PDE3A: variants seen among roughly 807,000 people sequenced by gnomAD.
PDE3A encodes the protein cGMP-inhibited 3',5'-cyclic phosphodiesterase 3A.
A neutral mutation model predicts 98.3 loss-of-function variants in PDE3A; 43 were observed. The observed-to-expected ratio is 0.44, with a 90% CI of 0.34 to 0.56. The LOEUF (loss-of-function observed/expected upper bound fraction) is 0.56, where lower values mean the gene tolerates loss of function less well. Among genes scored for constraint, PDE3A ranks in the 20% least tolerant of loss-of-function variants. The pLI is 0.01. For synonymous variants in PDE3A, 663 were observed against 567.9 expected, an observed-to-expected ratio of 1.17 and a Z score of -2.38; for missense variants, 1,427 against 1,440.7, an observed-to-expected ratio of 0.99 and a Z score of 0.15.
intron 1 of PDE3A, among the ~76,000 whole-genome samples, chr12:20,447,390 G>A (rs1944975888): frequency 6.6e-6 from 1 of 152,182 alleles, no homozygotes; most frequent in Non-Finnish European, 1.5e-5. Flanking sequence ...CTTCTGGATG[G>A]GGGCTGGTCA....
intron 15 of PDE3A, among the ~76,000 whole-genome samples, chr12:20,673,227 T>C (rs529767133): frequency 1.9e-4 from 29 of 152,040 alleles, no homozygotes; most frequent in Non-Finnish European, 4.0e-4. Flanking sequence ...TGTGGAGAAA[T>C]AGGAACACTT....
chr12:20,449,748 C>T, intron 1 of PDE3A: 1 of 470,308 alleles, frequency 2.1e-6, no homozygotes. Context: ...AGTGGATGCT[C>T]AGGCTGGGGG....
At chr12:20,644,818 C>T (rs1376277760) in intron 10 of PDE3A, among the ~76,000 whole-genome samples, 1 of 150,232 alleles carries the variant, frequency 6.7e-6, no homozygotes, top group East Asian at 1.9e-4. Context: ...TGAGCCTCCT[C>T]CTCCTCCTCC....
At chr12:20,630,425 A>G (rs1230603400) in intron 6 of PDE3A, among the ~76,000 whole-genome samples, 2 of 152,212 alleles carry the variant, frequency 1.3e-5, no homozygotes, top group African/African-American at 4.8e-5. Flanking sequence ...ATATATAACT[A>G]AAAAATGATA....
intron 1 of PDE3A, among the ~76,000 whole-genome samples, chr12:20,499,506 G>A (rs1945982792): frequency 6.6e-6 from 1 of 151,966 alleles, no homozygotes; most frequent in Non-Finnish European, 1.5e-5. Flanking sequence ...TATATTTAAG[G>A]GTCAACTGTT....
At chr12:20,575,857 T>C (rs1942917412) in intron 2 of PDE3A, among the ~76,000 whole-genome samples, 1 of 151,844 alleles carries the variant, frequency 6.6e-6, no homozygotes, top group African/African-American at 2.4e-5. Flanking sequence ...ATGCACCTGA[T>C]TGAAATAAGG....
At chr12:20,571,745 C>A in intron 2 of PDE3A, 1 of 173,448 alleles carries the variant, frequency 5.8e-6, no homozygotes, top group East Asian at 1.9e-4. Context: ...ATTTGAGTCC[C>A]AGCTCTAAGC....
intron 15 of PDE3A, among the ~76,000 whole-genome samples, chr12:20,671,684 T>A (rs1406453325): frequency 2.0e-5 from 3 of 148,294 alleles, no homozygotes; most frequent in Non-Finnish European, 1.5e-5. Flanking sequence ...AAATTAGGTA[T>A]TGATGGGACA....
chr12:20,620,965 G>A (rs1944119696), intron 4 of PDE3A, among the ~76,000 whole-genome samples: 2 of 152,064 alleles, frequency 1.3e-5, no homozygotes, highest in Admixed American at 6.6e-5. Context: ...TAATCTGTAA[G>A]CCTCTTTTAG....
At chr12:20,564,454 T>G (rs1010736659) in intron 2 of PDE3A, among the ~76,000 whole-genome samples, 1 of 152,174 alleles carries the variant, frequency 6.6e-6, no homozygotes, top group African/African-American at 2.4e-5. Flanking sequence ...AATAGAAATT[T>G]TAAAGAACAT....
intron 14 of PDE3A, among the ~76,000 whole-genome samples, chr12:20,652,236 C>T (rs1359456277): frequency 2.0e-5 from 3 of 152,144 alleles, no homozygotes; most frequent in Admixed American, 2.0e-4. Context: ...CATACATGTG[C>T]ATGTGTCTTT....
At chr12:20,464,027 C>G (rs939751105) in intron 1 of PDE3A, among the ~76,000 whole-genome samples, 1 of 152,156 alleles carries the variant, frequency 6.6e-6, no homozygotes, top group African/African-American at 2.4e-5. Flanking sequence ...ATATTCATTA[C>G]CACTTAGTTT....
intron 10 of PDE3A, among the ~76,000 whole-genome samples, chr12:20,644,405 C>T (rs115610506): frequency 0.01 from 1,532 of 152,166 alleles, 25 homozygotes; most frequent in African/African-American, 0.035. Context: ...ACAATTGTAC[C>T]ATGAATTTGG....
intron 2 of PDE3A, 74 bp downstream of exon 2, chr12:20,556,784 G>C: frequency 9.2e-7 from 1 of 1,086,498 alleles, no homozygotes; most frequent in Non-Finnish European, 1.4e-6. Context: ...TAAAACTCAA[G>C]AGATAATAAA....
Position 20,686,393 on chromosome 12 carries a change from T to C in PDE3A, c.*6122T>C, listed in dbSNP as rs1945962674. Among the ~76,000 whole-genome samples the C allele has an allele frequency of 6.6e-6, 1 of 152,176 alleles. No individual in the cohort carries two copies. The highest frequency in any genetic ancestry group is 2.1e-4 in the South Asian group (1 of 4,828). ...CAAAAGGCCAAATACTTATCTTTCCTACTAAGAAAAATTAAACCTTACTAA... is the reference window on the plus strand; with the variant it reads ...CAAAAGGCCAAATACTTATCTTTCCCACTAAGAAAAATTAAACCTTACTAA... On this transcript the variant is annotated 3_prime_UTR_variant, in exon 16 of 16. Coordinates refer to ENST00000359062, the MANE Select transcript of PDE3A (RefSeq NM_000921.5).
chr12:20,560,777 G>A (rs1041240104), intron 2 of PDE3A, among the ~76,000 whole-genome samples: 9 of 152,104 alleles, frequency 5.9e-5, no homozygotes, highest in Non-Finnish European at 2.9e-5. Flanking sequence ...AGGAAATGGT[G>A]CGGTTCAGGG....
At chr12:20,643,110 T>G (rs917111458) in intron 10 of PDE3A, among the ~76,000 whole-genome samples, 1 of 152,076 alleles carries the variant, frequency 6.6e-6, no homozygotes, top group Non-Finnish European at 1.5e-5. Context: ...AGTGTATGCA[T>G]GTGCGTCTAT....
intron 1 of PDE3A, chr12:20,553,006 C>T (rs1386461618): frequency 1.0e-5 from 16 of 1,552,428 alleles, no homozygotes; most frequent in Non-Finnish European, 1.4e-5. Context: ...CGGCAATGGC[C>T]GGTGATCTCC....
intron 1 of PDE3A, among the ~76,000 whole-genome samples, chr12:20,496,553 C>T (rs1272532682): frequency 6.6e-6 from 1 of 151,758 alleles, no homozygotes; most frequent in Non-Finnish European, 1.5e-5. Context: ...CCCGAATTCT[C>T]TCTCTGCTAC....
Sources: gnomAD v4.1 joint callset for allele counts (sites outside exome capture counted in the v4.1 genomes callset) on GRCh38, gnomAD v4.1.1 for gene constraint, MANE v1.5 for transcripts, NCBI Gene and HGNC (gene_info 2026-07-23, HGNC 2026-07-21) for gene names.